Variants in NTM observed in about 807,000 individuals in gnomAD.
NTM encodes neurotrimin.
Under a neutral mutation model 42.1 loss-of-function variants are expected in NTM, and 13 were observed. That is an observed-to-expected ratio of 0.31 (90% CI 0.20 to 0.49). The LOEUF (loss-of-function observed/expected upper bound fraction) is 0.49. NTM is among the 20% of genes least tolerant of loss of function. NTM has a pLI of 0.99. For missense variants in NTM, 373 were observed against 452.8 expected, an observed-to-expected ratio of 0.82 and a Z score of 1.60; for synonymous variants, 187 against 179.2, an observed-to-expected ratio of 1.04 and a Z score of -0.35.
rs145003478 is a variant in NTM, at chr11:131,812,183, C to CCTCTCTCTCT, written c.83-99352_83-99343dup. ...CTTTGTCAGAAAGATAATTAGTCAG[C>CCTCTCTCTCT]CTCTCTCTCTCTCTCTCTCTCTCTC... On this transcript the variant is annotated intron_variant, in intron 1 of 8. Coordinates refer to ENST00000683400, the MANE Select transcript of NTM (RefSeq NM_001352005.2). Among the ~76,000 whole-genome samples, 975 of 142,878 alleles carry CCTCTCTCTCT rather than the reference C, an allele frequency of 6.8e-3. 5 individuals are homozygous for CCTCTCTCTCT. Among genetic ancestry groups the CCTCTCTCTCT allele is most frequent in the African/African-American group, 0.014 (516 of 36,242 alleles). The allele number at this position is 142,878 out of a possible 152,430, so 93.7% of individuals were successfully genotyped here. A position where few individuals can be genotyped will look rare whatever the true frequency, so the allele number is the denominator to read the frequency against.
intron 1 of NTM, among the ~76,000 whole-genome samples, chr11:131,673,761 T>G (rs2070841910): frequency 6.6e-6 from 1 of 152,168 alleles, no homozygotes; most frequent in South Asian, 2.1e-4. Flanking sequence ...CTCCACTCTC[T>G]CGGCTCTCCT....
At chr11:131,553,344 G>A (rs1191059616) in intron 1 of NTM, among the ~76,000 whole-genome samples, 1 of 152,170 alleles carries the variant, frequency 6.6e-6, no homozygotes, top group Non-Finnish European at 1.5e-5. Flanking sequence ...CAACCTGGAT[G>A]AGAACACAGA....
chr11:131,378,001 T>C (rs1942194401), intron 1 of NTM, among the ~76,000 whole-genome samples: 1 of 152,226 alleles, frequency 6.6e-6, no homozygotes, highest in Non-Finnish European at 1.5e-5. Flanking sequence ...GTAGGTGCAA[T>C]CTGCATTTAT....
At chr11:131,931,912 G>A (rs1228783582) in intron 2 of NTM, among the ~76,000 whole-genome samples, 8 of 152,204 alleles carry the variant, frequency 5.3e-5, no homozygotes, top group Non-Finnish European at 1.5e-5. Context: ...TACAGCTGAC[G>A]CATTTCTGGC....
chr11:131,552,651 TA>T (rs376767562), intron 1 of NTM, among the ~76,000 whole-genome samples: 2 of 151,126 alleles, frequency 1.3e-5, no homozygotes, highest in Non-Finnish European at 2.9e-5. Context: ...CCGTCTCTAC[TA>T]AAAAAAATAC....
chr11:131,718,038 C>T (rs998612295), intron 1 of NTM, among the ~76,000 whole-genome samples: 6 of 152,074 alleles, frequency 3.9e-5, no homozygotes, highest in Admixed American at 6.5e-5. Flanking sequence ...GTTAAACTAG[C>T]CTTGTATTCC....
At chr11:131,611,542 T>C (rs2061466467) in intron 1 of NTM, among the ~76,000 whole-genome samples, 1 of 152,174 alleles carries the variant, frequency 6.6e-6, no homozygotes, top group Non-Finnish European at 1.5e-5. Context: ...GGGAATCCAC[T>C]TACATAAAGA....
chr11:131,413,313 C>G (rs1158004939), intron 1 of NTM, among the ~76,000 whole-genome samples: 5 of 152,178 alleles, frequency 3.3e-5, no homozygotes, highest in Non-Finnish European at 7.4e-5. Flanking sequence ...CTTTAAATAG[C>G]ATTTTATTCT....
At chr11:131,997,118 C>A (rs1457104774) in intron 2 of NTM, among the ~76,000 whole-genome samples, 2 of 152,202 alleles carry the variant, frequency 1.3e-5, no homozygotes, top group Non-Finnish European at 2.9e-5. Context: ...AACACTGTTA[C>A]CTCTGTTTCT....
intron 1 of NTM, among the ~76,000 whole-genome samples, chr11:131,462,975 G>A (rs947293114): frequency 6.6e-6 from 1 of 152,064 alleles, no homozygotes; most frequent in Non-Finnish European, 1.5e-5. Context: ...GAAGATATAG[G>A]TAAGAATAGG....
rs148406757 is a variant in NTM at position 131,597,083 on chromosome 11, C to G, written c.82+226195C>G. Among the ~76,000 whole-genome samples the G allele has an allele frequency of 8.5e-5, 13 of 152,298 alleles. No individual in the cohort carries two copies. The East Asian group carries it at 2.3e-3, about 27-fold the overall frequency. On this transcript the variant is annotated intron_variant, in intron 1 of 8. Transcript: ENST00000683400. ...GTGCCCATCCAGATTAAGGGAGGGT[C>G]TGCCTTTCCCAGCCCACTGACTCAA...
intron 1 of NTM, among the ~76,000 whole-genome samples, chr11:131,432,517 C>G (rs562528103): frequency 6.6e-6 from 1 of 152,246 alleles, no homozygotes; most frequent in Admixed American, 6.5e-5. Flanking sequence ...ATGAATTGTT[C>G]AAGACCACAT....
intron 4 of NTM, among the ~76,000 whole-genome samples, chr11:132,250,618 A>G (rs2091838236): frequency 6.6e-6 from 1 of 150,942 alleles, no homozygotes; most frequent in Admixed American, 6.6e-5. Flanking sequence ...TCGTTACTTA[A>G]CTTACAGTTA....
chr11:131,997,043 C>G (rs1302638360), intron 2 of NTM, among the ~76,000 whole-genome samples: 1 of 152,242 alleles, frequency 6.6e-6, no homozygotes, highest in Non-Finnish European at 1.5e-5. Flanking sequence ...TCACCATGGC[C>G]TCTCCTGGGC....
intron 1 of NTM, among the ~76,000 whole-genome samples, chr11:131,902,237 T>C (rs2053271574): frequency 6.6e-6 from 1 of 152,230 alleles, no homozygotes; most frequent in Non-Finnish European, 1.5e-5. Context: ...GTTTGGGTAT[T>C]AGTTTAGCTA....
At chr11:132,174,940 G>A (rs146691425) in intron 3 of NTM, among the ~76,000 whole-genome samples, 2 of 152,132 alleles carry the variant, frequency 1.3e-5, no homozygotes, top group African/African-American at 4.8e-5. Flanking sequence ...TCTTCTGGAC[G>A]AATATTTCTG....
At chr11:132,196,578 G>A (rs941823159) in intron 3 of NTM, among the ~76,000 whole-genome samples, 2 of 152,098 alleles carry the variant, frequency 1.3e-5, no homozygotes, top group African/African-American at 4.8e-5. Flanking sequence ...GAGAAAATGT[G>A]GTACATATAC....
At chr11:131,844,175 A>G (rs1390996887) in intron 1 of NTM, among the ~76,000 whole-genome samples, 1 of 152,220 alleles carries the variant, frequency 6.6e-6, no homozygotes, top group Non-Finnish European at 1.5e-5. Flanking sequence ...GTTGGTATTT[A>G]GCTTTTTAAT....
At chr11:132,130,709 A>G (rs1272547070) in intron 2 of NTM, among the ~76,000 whole-genome samples, 1 of 152,180 alleles carries the variant, frequency 6.6e-6, no homozygotes, top group Admixed American at 6.5e-5. Context: ...AGGGGTTTCA[A>G]ACAGCCCTGC....
Sources: allele counts gnomAD v4.1 joint callset (sites outside exome capture counted in the v4.1 genomes callset), GRCh38; gene constraint gnomAD v4.1.1; transcripts MANE v1.5; gene names NCBI Gene and HGNC (gene_info 2026-07-23, HGNC 2026-07-21).